The following MRTFA variants were observed in gnomAD, a reference collection of about 807,000 sequenced individuals.
The protein encoded by MRTFA is myocardin-related transcription factor A.
Under a neutral mutation model 83.5 loss-of-function variants are expected in MRTFA, and 20 were observed. That is an observed-to-expected ratio of 0.24 (90% confidence interval 0.17 to 0.35). The LOEUF (loss-of-function observed/expected upper bound fraction) is 0.35, where lower values mean the gene tolerates loss of function less well. MRTFA is among the 10% of genes least tolerant of loss of function. MRTFA has a pLI of 1.00. For missense variants in MRTFA, 1,200 were observed against 1,224.7 expected (o/e 0.98, Z 0.30); for synonymous variants, 659 against 541.2 (o/e 1.22, Z -3.02).
At chr22:40,520,730 A>G (rs992289484) in intron 3 of MRTFA, among the ~76,000 whole-genome samples, 2 of 152,234 alleles carry the variant, frequency 1.3e-5, no homozygotes, top group East Asian at 1.9e-4. Flanking sequence ...TTTATAACAT[A>G]TATCAACAGT....
At chr22:40,473,026 TAA>T (rs1035312993) in intron 3 of MRTFA, among the ~76,000 whole-genome samples, 1 of 152,146 alleles carries the variant, frequency 6.6e-6, no homozygotes, top group African/African-American at 2.4e-5. Flanking sequence ...AACAACCCAA[TAA>T]AGAGATAAAA....
chr22:40,586,290 A>C (rs2056027379), intron 2 of MRTFA, among the ~76,000 whole-genome samples: 2 of 152,144 alleles, frequency 1.3e-5, no homozygotes, highest in South Asian at 4.1e-4. Context: ...AGAAGGAAAG[A>C]AAGAACAGTA....
intron 7 of MRTFA, among the ~76,000 whole-genome samples, chr22:40,427,392 T>C (rs1345518580): frequency 2.6e-5 from 4 of 152,170 alleles, no homozygotes; most frequent in Admixed American, 6.5e-5. Context: ...CAGTCACCTC[T>C]AATCAGGGCC....
intron 12 of MRTFA, 57 bp downstream of exon 12, chr22:40,418,317 G>A (rs1057200210): frequency 2.8e-5 from 45 of 1,580,154 alleles, no homozygotes; most frequent in Middle Eastern, 1.7e-4. Flanking sequence ...GGGCTGTAGC[G>A]AGACGCTCTT....
chr22:40,502,691 C>T (rs2054514006), intron 3 of MRTFA, among the ~76,000 whole-genome samples: 1 of 151,164 alleles, frequency 6.6e-6, no homozygotes, highest in Admixed American at 6.6e-5. Context: ...CTTTGGGAGG[C>T]CAAGGCAGGC....
intron 4 of MRTFA, among the ~76,000 whole-genome samples, chr22:40,454,788 T>C (rs1569274208): frequency 6.6e-6 from 1 of 152,180 alleles, no homozygotes; most frequent in Non-Finnish European, 1.5e-5. Context: ...TATGCATGTA[T>C]GTATATATTT....
chr22:40,573,121 A>G (rs932207819), intron 2 of MRTFA, among the ~76,000 whole-genome samples: 1 of 152,200 alleles, frequency 6.6e-6, no homozygotes, highest in African/African-American at 2.4e-5. Flanking sequence ...AGGGAGAGAG[A>G]GAAAAGGGAG....
chr22:40,544,697 G>T (rs1400030885), intron 3 of MRTFA, among the ~76,000 whole-genome samples: 2 of 152,118 alleles, frequency 1.3e-5, no homozygotes, highest in Non-Finnish European at 2.9e-5. Flanking sequence ...GTAGGCAAAA[G>T]ACTTAACTTG....
chr22:40,417,090 T>C (rs1602201512), intron 13 of MRTFA, 44 bp from the exon 14 acceptor site: 2 of 1,542,488 alleles, frequency 1.3e-6, no homozygotes, highest in Non-Finnish European at 1.8e-6. Flanking sequence ...AAATCTTGAA[T>C]GGGGGCTCCC....
intron 4 of MRTFA, among the ~76,000 whole-genome samples, chr22:40,438,321 G>C (rs145516984): frequency 2.1e-4 from 32 of 152,340 alleles, no homozygotes; most frequent in African/African-American, 7.5e-4. Context: ...TAATTTGGTT[G>C]AATCACTGGC....
chr22:40,628,189 G>T (rs1424809313), intron 1 of MRTFA, among the ~76,000 whole-genome samples: 2 of 152,080 alleles, frequency 1.3e-5, no homozygotes, highest in Non-Finnish European at 2.9e-5. Context: ...ATGTTGTAAG[G>T]ATTATTAACT....
chr22:40,484,642 T>C (rs2054144961), intron 3 of MRTFA, among the ~76,000 whole-genome samples: 1 of 152,196 alleles, frequency 6.6e-6, no homozygotes, highest in Admixed American at 6.5e-5. Context: ...CAAACCTGCA[T>C]TAAGTTAAAG....
At chr22:40,470,918 C>A (rs373883841) in intron 3 of MRTFA, among the ~76,000 whole-genome samples, 21 of 151,808 alleles carry the variant, frequency 1.4e-4, no homozygotes, top group African/African-American at 5.1e-4. Flanking sequence ...CACTGCACTC[C>A]AGCCTAGGTG....
chr22:40,608,099 A>T (rs927837487), intron 1 of MRTFA, among the ~76,000 whole-genome samples: 1 of 152,150 alleles, frequency 6.6e-6, no homozygotes, highest in East Asian at 1.9e-4. Flanking sequence ...ATCTCTGCTC[A>T]CTGCAACCTC....
chr22:40,555,702 T>G (rs2055511950), intron 2 of MRTFA, among the ~76,000 whole-genome samples: 1 of 151,716 alleles, frequency 6.6e-6, no homozygotes, highest in African/African-American at 2.4e-5. Flanking sequence ...AGTGGCGTGA[T>G]CTCAGCTCAC....
intron 3 of MRTFA, among the ~76,000 whole-genome samples, chr22:40,494,235 G>A (rs1301822515): frequency 1.3e-5 from 2 of 151,992 alleles, no homozygotes; most frequent in Non-Finnish European, 2.9e-5. Context: ...TCTGACTTTA[G>A]TAATAAAGGG....
chr22:40,580,169 AT>A (rs1483672234), intron 2 of MRTFA, among the ~76,000 whole-genome samples: 1 of 152,048 alleles, frequency 6.6e-6, no homozygotes, highest in East Asian at 1.9e-4. Context: ...AAGCCCAATA[AT>A]TTTTTTTAAA....
intron 1 of MRTFA, among the ~76,000 whole-genome samples, chr22:40,620,952 C>T (rs1423062105): frequency 1.3e-5 from 2 of 152,050 alleles, no homozygotes; most frequent in Non-Finnish European, 2.9e-5. Context: ...GAGGCCAAAG[C>T]AGGAGGATAG....
In MRTFA at chr22:40,636,704, C is replaced by G. The variant is rs1192807820; in HGVS notation, c.-310G>C. On this transcript the variant is annotated 5_prime_UTR_variant, in exon 1 of 15. Coordinates refer to ENST00000355630, the MANE Select transcript of MRTFA (RefSeq NM_020831.6). ...TGCCGCCGCCGGCTCCTCTCAGCCA[C>G]GGAAGCTGCGGGCCCGCCCACCACG... is the stretch of plus-strand genomic sequence containing the variant. 1 of 152,344 alleles carries G rather than the reference C, an allele frequency of 6.6e-6. No homozygotes were observed. Among genetic ancestry groups the G allele is most frequent in the Non-Finnish European group, 1.5e-5 (1 of 68,204 alleles). 9.4% of individuals were successfully genotyped at this position (152,344 alleles called of 1,614,324 possible). A position where few individuals can be genotyped will look rare whatever the true frequency, so the allele number is the denominator to read the frequency against.
Sources: gnomAD v4.1 joint callset for allele counts (sites outside exome capture counted in the v4.1 genomes callset) on GRCh38, gnomAD v4.1.1 for gene constraint, MANE v1.5 for transcripts, NCBI Gene and HGNC (gene_info 2026-07-23, HGNC 2026-07-21) for gene names.